Variants in HEATR4 observed in about 807,000 individuals in gnomAD.
The protein encoded by HEATR4 is HEAT repeat-containing protein 4.
A neutral mutation model predicts 108.8 loss-of-function variants in HEATR4; 95 were observed. The ratio of observed to expected loss-of-function variants is 0.87; its 90% CI spans 0.74 to 1.04. The LOEUF (loss-of-function observed/expected upper bound fraction) is 1.04, where lower values mean the gene tolerates loss of function less well. HEATR4 is among the 50% of genes least tolerant of loss of function. HEATR4 has a pLI of 0.00. For synonymous variants in HEATR4, 443 were observed against 459.4 expected (o/e 0.96, Z 0.46); for missense variants, 1,152 against 1,253.8 (o/e 0.92, Z 1.23).
chr14:73,620,396 G>C, the HEATR4 span, among the ~76,000 whole-genome samples: 1 of 152,172 alleles, frequency 6.6e-6, no homozygotes, highest in Non-Finnish European at 1.5e-5. Flanking sequence ...CAAGAGAAAT[G>C]TAAGAAGTGC....
At chr14:73,483,709 G>C (rs1402010996) in intron 17 of HEATR4, among the ~76,000 whole-genome samples, 1 of 151,986 alleles carries the variant, frequency 6.6e-6, no homozygotes, top group Admixed American at 6.6e-5. Context: ...ATGGATGATG[G>C]TAGTTATCAA....
Position 73,523,053 on chromosome 14 carries a change from A to G in HEATR4, c.100T>C (p.Leu34=), listed in dbSNP as rs550608553. Residue 34 remains leucine, a synonymous_variant, in exon 3 of 18, where the codon TTG becomes CTG. Transcript: ENST00000553558. ...GWGMILNYSK[L]KGKEECASVS... is the part of the protein sequence containing the mutation. ...GAGGCACACTCCTCCTTGCCTTTCA[A>G]TTTTGAGTAGTTTAAAATCATGCCC... 33 of 1,614,054 alleles carry G rather than the reference A, an allele frequency of 2.0e-5. No homozygotes were observed. In the South Asian group the frequency reaches 2.2e-4, roughly 11 times the overall value.
At chr14:73,583,157 C>T in the HEATR4 span, among the ~76,000 whole-genome samples, 56 of 151,942 alleles carry the variant, frequency 3.7e-4, no homozygotes, top group African/African-American at 1.2e-3. Flanking sequence ...GCCTGGCCAA[C>T]ATAGTGAAAC....
the HEATR4 span, chr14:73,595,062 G>C: frequency 6.2e-7 from 1 of 1,613,732 alleles, no homozygotes; most frequent in Non-Finnish European, 8.5e-7. Context: ...AAAGGCCCAG[G>C]CATTGGGCTT....
chr14:73,619,928 T>TC, the HEATR4 span: 2 of 1,428,084 alleles, frequency 1.4e-6, no homozygotes, highest in Non-Finnish European at 1.9e-6. Flanking sequence ...TCTTTTTTTT[T>TC]TTTTTTCCTG....
the HEATR4 span, chr14:73,580,930 A>T: frequency 6.6e-6 from 1 of 152,092 alleles, no homozygotes; most frequent in Non-Finnish European, 1.5e-5. Context: ...AAAGGAAAAA[A>T]AAGTCTTAAG....
At chr14:73,565,066 A>T in the HEATR4 span, among the ~76,000 whole-genome samples, 1 of 152,018 alleles carries the variant, frequency 6.6e-6, no homozygotes, top group African/African-American at 2.4e-5. Context: ...AACCAAATTC[A>T]TATTGCTCAC....
At position 73,520,923 on chromosome 14, in the gene HEATR4, C is replaced by T. The variant is rs551858976; in HGVS notation, c.998G>A (p.Arg333His). Residue 333 changes from arginine (R) to histidine (H), a missense_variant, in exon 4 of 18, where the codon CGC (arginine) becomes CAC (histidine). Arg to His is a conservative substitution (Grantham distance 29). Transcript: ENST00000553558. ...CTTTCCAGCTCGGGGAGTCACCTGGCGAAAGTAGCTCTGGGTTTGGGGCTG... is the reference window on the plus strand; with the variant it reads ...CTTTCCAGCTCGGGGAGTCACCTGGTGAAAGTAGCTCTGGGTTTGGGGCTG... ...LSQPQTQSYFRQVTPRAGKFA... is the reference protein window; with the variant it reads ...LSQPQTQSYFHQVTPRAGKFA... 46 of 1,613,930 alleles carry T rather than the reference C, an allele frequency of 2.9e-5. No homozygotes were observed. In the East Asian group the frequency reaches 7.6e-4, roughly 27 times the overall value.
the HEATR4 span, chr14:73,631,549 T>G: frequency 6.3e-6 from 1 of 157,920 alleles, no homozygotes; most frequent in Non-Finnish European, 1.4e-5. Flanking sequence ...TGCCACTGGG[T>G]GCACAGACAG....
At chr14:73,591,568 C>G in the HEATR4 span, 1 of 181,184 alleles carries the variant, frequency 5.5e-6, no homozygotes, top group Non-Finnish European at 1.1e-5. Flanking sequence ...AAAAACAAAA[C>G]CTTCCATGGA....
rs1224634405 is a variant in HEATR4, at chr14:73,534,389, AAAG to A, written c.-151-4148_-151-4146del. On this transcript the variant is annotated intron_variant, in intron 1 of 17. Coordinates refer to ENST00000553558, the MANE Select transcript of HEATR4 (RefSeq NM_001220484.1). The stretch of plus-strand genomic sequence containing the variant: ...GCAAGACTCTGTCTTGAAAAAAAAA[AAAG>A]AATTAAAAAAAGAAACATGGCCGAG... Among the ~76,000 whole-genome samples, 9 of 110,870 alleles carry A rather than the reference AAAG, an allele frequency of 8.1e-5. 1 individual carries two copies. The highest frequency in any genetic ancestry group is 2.6e-4 in the African/African-American group (9 of 34,030). The allele number at this position is 110,870 out of a possible 152,430, so 72.7% of individuals were successfully genotyped here.
intron 16 of HEATR4, among the ~76,000 whole-genome samples, chr14:73,494,690 A>AC (rs1012983822): frequency 3.3e-5 from 5 of 152,092 alleles, no homozygotes; most frequent in African/African-American, 1.2e-4. Context: ...AGATAGGACT[A>AC]CCAGTGTGTG....
chr14:73,482,508 C>T (rs1250249216), intron 17 of HEATR4, among the ~76,000 whole-genome samples: 1 of 151,686 alleles, frequency 6.6e-6, no homozygotes, highest in African/African-American at 2.4e-5. Context: ...GGCGACACAG[C>T]CAGACTTCGA....
chr14:73,490,896 C>A, intron 17 of HEATR4: 1 of 1,108,696 alleles, frequency 9.0e-7, no homozygotes, highest in Non-Finnish European at 1.2e-6. Context: ...ATGGGCGTGG[C>A]CAACCCCGAG....
At chr14:73,520,708 G>A (rs1887921035) in intron 4 of HEATR4, 144 bp downstream of exon 4, 1 of 710,348 alleles carries the variant, frequency 1.4e-6, no homozygotes, top group Non-Finnish European at 2.4e-6. Context: ...CTGTGCTAGT[G>A]TGGGTGCTGG....
the HEATR4 span, among the ~76,000 whole-genome samples, chr14:73,598,228 A>AAC: frequency 1.4e-5 from 2 of 146,712 alleles, no homozygotes; most frequent in East Asian, 2.1e-4. Flanking sequence ...AAAAAAAAAA[A>AAC]AAAAAAAAAA....
the HEATR4 span, among the ~76,000 whole-genome samples, chr14:73,589,976 T>G: frequency 6.6e-6 from 1 of 152,154 alleles, no homozygotes; most frequent in Non-Finnish European, 1.5e-5. Context: ...GCTTCAGAAG[T>G]GAAGCTGCGG....
In HEATR4 at chr14:73,537,598, G is replaced by A. The variant is rs752546604; in HGVS notation, c.-151-7354C>T. 4.1e-6 allele frequency: 5 copies of A among 1,222,592 alleles called. 1 individual carries two copies. The highest frequency in any genetic ancestry group is 8.6e-5 in the East Asian group (1 of 11,600). The allele number at this position is 1,222,592 out of a possible 1,614,324, so 75.7% of individuals were successfully genotyped here. A position where few individuals can be genotyped will look rare whatever the true frequency, so the allele number is the denominator to read the frequency against. On this transcript the variant is annotated intron_variant, in intron 1 of 17. Coordinates refer to ENST00000553558, the MANE Select transcript of HEATR4 (RefSeq NM_001220484.1). ...GCTACCGCGCCGACACCCTTGGCGA[G>A]CTGGACCTGGAGCGCGCGCCCGCGC...
In HEATR4 at chr14:73,522,939, T is replaced by TA. The variant is rs1566841572; in HGVS notation, c.213dup (p.Thr72TyrfsTer18). Reference sequence around the variant, plus strand: ...TGCCACACCACCTCCTGAGAGAAGGTAAGGTTTGCAGCAGCCATTTTCAAA... The same window carrying TA: ...TGCCACACCACCTCCTGAGAGAAGGTAAAGGTTTGCAGCAGCCATTTTCAAA... On this transcript the variant is annotated frameshift_variant, in exon 3 of 18. Transcript: ENST00000553558. LOFTEE classifies it high-confidence loss of function. 1.2e-6 allele frequency: 2 copies of TA among 1,614,128 alleles called. No individual in the cohort carries two copies. Among genetic ancestry groups the TA allele is most frequent in the Non-Finnish European group, 1.7e-6 (2 of 1,180,016 alleles).
Sources: allele counts gnomAD v4.1 joint callset (sites outside exome capture counted in the v4.1 genomes callset), GRCh38; gene constraint gnomAD v4.1.1; transcripts MANE v1.5; gene names NCBI Gene and HGNC (gene_info 2026-07-23, HGNC 2026-07-21).